The following PTGFR variants were observed in gnomAD, a reference collection of about 807,000 sequenced individuals.
PTGFR encodes prostaglandin F2-alpha receptor.
Under a neutral mutation model 26.2 loss-of-function variants are expected in PTGFR, and 15 were observed. The observed-to-expected ratio is 0.57, with a 90% CI of 0.38 to 0.88. PTGFR has a LOEUF of 0.88. Ranked by LOEUF, PTGFR falls within the 40% of genes least tolerant of loss-of-function variation. The pLI is 0.00. For missense variants in PTGFR, 369 were observed against 427.2 expected (o/e 0.86, Z 1.20); for synonymous variants, 165 against 151.1 (o/e 1.09, Z -0.68).
rs1650726291 is a variant in PTGFR at position 78,538,947 on chromosome 1, T to A, written c.*2260T>A. The A allele has an allele frequency of 6.6e-6, 1 of 152,086 alleles. No homozygotes were observed. The highest frequency in any genetic ancestry group is 2.4e-5 in the African/African-American group (1 of 41,436). The allele number at this position is 152,086 out of a possible 1,614,324, so 9.4% of individuals were successfully genotyped here. A position where few individuals can be genotyped will look rare whatever the true frequency, so the allele number is the denominator to read the frequency against. ...TAAACATGATTTCTCGGTAATTATA[T>A]ATTCTGGGCAAATAACATAAACATG... On this transcript the variant is annotated 3_prime_UTR_variant, in exon 3 of 3. Transcript: ENST00000370757.
chr1:78,521,725 C>T (rs1055143625), intron 2 of PTGFR, among the ~76,000 whole-genome samples: 20 of 152,070 alleles, frequency 1.3e-4, no homozygotes, highest in Admixed American at 3.3e-4. Context: ...CTATGTTAAA[C>T]GGTAGTAGTA....
At chr1:78,515,169 A>AT (rs1557653823) in intron 2 of PTGFR, among the ~76,000 whole-genome samples, 1 of 151,874 alleles carries the variant, frequency 6.6e-6, no homozygotes, top group Non-Finnish European at 1.5e-5. Flanking sequence ...AATTAATCTC[A>AT]TTTTTCTGTC....
chr1:78,519,769 A>C (rs1184889479), intron 2 of PTGFR, among the ~76,000 whole-genome samples: 1 of 152,140 alleles, frequency 6.6e-6, no homozygotes, highest in East Asian at 1.9e-4. Flanking sequence ...TATGCCAAGC[A>C]ACTAAAAGAG....
chr1:78,510,154 C>T (rs188434524), intron 2 of PTGFR, among the ~76,000 whole-genome samples: 2 of 152,332 alleles, frequency 1.3e-5, no homozygotes, highest in East Asian at 3.9e-4. Context: ...AGGGACTTCT[C>T]TGCTATCCCT....
At chr1:78,531,986 A>C (rs1650520005) in intron 2 of PTGFR, among the ~76,000 whole-genome samples, 2 of 152,066 alleles carry the variant, frequency 1.3e-5, no homozygotes, top group Non-Finnish European at 2.9e-5. Flanking sequence ...AGAATGAGAC[A>C]TTACTCAGCT....
chr1:78,531,586 G>C (rs1259266348), intron 2 of PTGFR, among the ~76,000 whole-genome samples: 2 of 152,294 alleles, frequency 1.3e-5, no homozygotes, highest in African/African-American at 4.8e-5. Context: ...AGGTCATAGA[G>C]AGTCTGAGGA....
intron 2 of PTGFR, among the ~76,000 whole-genome samples, chr1:78,527,461 T>A (rs1429877269): frequency 1.1e-4 from 16 of 152,094 alleles, no homozygotes; most frequent in African/African-American, 3.4e-4. Flanking sequence ...AGGGAAGTAA[T>A]GATTAATGAA....
chr1:78,493,326 G>A lies in PTGFR; in HGVS notation c.583G>A (p.Asp195Asn). 6.2e-7 allele frequency: 1 copy of A among 1,614,154 alleles called. No homozygotes were observed. Among genetic ancestry groups the A allele is most frequent in the Non-Finnish European group, 8.5e-7 (1 of 1,180,024 alleles). ...TTTCTACAACACAGAAGACATCAAA[G>A]ACTGGGAAGATAGATTTTATCTTCT... ...WCFYNTEDIK[D>N]WEDRFYLLLF... Residue 195 changes from aspartate (D) to asparagine (N), a missense_variant, in exon 2 of 3, where the codon GAC (aspartate) becomes AAC (asparagine). Asp to Asn is a conservative substitution (Grantham distance 23, BLOSUM62 1). Transcript: ENST00000370757.
intron 2 of PTGFR, among the ~76,000 whole-genome samples, chr1:78,494,352 GAAAACA>G (rs939442747): frequency 5.9e-5 from 9 of 151,840 alleles, no homozygotes; most frequent in Non-Finnish European, 4.4e-5. Flanking sequence ...TGCCATGAAA[GAAAACA>G]AAAACAAAAA....
chr1:78,504,229 A>G (rs1649774174), intron 2 of PTGFR, among the ~76,000 whole-genome samples: 2 of 152,306 alleles, frequency 1.3e-5, no homozygotes, highest in Non-Finnish European at 2.9e-5. Context: ...ACTACATATT[A>G]AGTTTTTAAA....
chr1:78,524,248 T>A (rs899517482), intron 2 of PTGFR, among the ~76,000 whole-genome samples: 6 of 152,014 alleles, frequency 3.9e-5, no homozygotes, highest in African/African-American at 1.4e-4. Flanking sequence ...TGCACACACA[T>A]AGGGCTTGAT....
In PTGFR at chr1:78,537,937, T is replaced by C. The variant is rs1471836931; in HGVS notation, c.*1250T>C. The C allele has an allele frequency of 2.6e-5, 4 of 152,168 alleles. No individual in the cohort carries two copies. 9.4% of individuals were successfully genotyped at this position (152,168 alleles called of 1,614,324 possible). A position where few individuals can be genotyped will look rare whatever the true frequency, so the allele number is the denominator to read the frequency against. ...ACCCATTCAAATTGTCCTAGGTCTA[T>C]CAGAAATTAGGGAAGGTAGTCCTGC... On this transcript the variant is annotated 3_prime_UTR_variant, in exon 3 of 3. Transcript: ENST00000370757.
chr1:78,529,795 G>A (rs985338745), intron 2 of PTGFR, among the ~76,000 whole-genome samples: 3 of 152,218 alleles, frequency 2.0e-5, no homozygotes, highest in Non-Finnish European at 4.4e-5. Context: ...ACAGTAGGAT[G>A]TGAGTGGCAG....
intron 2 of PTGFR, among the ~76,000 whole-genome samples, chr1:78,495,500 A>T (rs188260699): frequency 6.6e-6 from 1 of 151,302 alleles, no homozygotes; most frequent in Admixed American, 6.6e-5. Flanking sequence ...TGAGAAAAGA[A>T]GTGGCTAAAA....
intron 2 of PTGFR, among the ~76,000 whole-genome samples, chr1:78,493,800 G>A (rs1649476185): frequency 6.6e-6 from 1 of 152,202 alleles, no homozygotes; most frequent in African/African-American, 2.4e-5. Context: ...TCTAACAGAA[G>A]TTACATATTT....
At chr1:78,493,856 C>A (rs1348650599) in intron 2 of PTGFR, among the ~76,000 whole-genome samples, 1 of 151,922 alleles carries the variant, frequency 6.6e-6, no homozygotes, top group African/African-American at 2.4e-5. Flanking sequence ...ACAAAATGAC[C>A]AACTATAAAA....
At chr1:78,494,542 GC>G (rs1170224633) in intron 2 of PTGFR, among the ~76,000 whole-genome samples, 1 of 152,196 alleles carries the variant, frequency 6.6e-6, no homozygotes, top group Non-Finnish European at 1.5e-5. Flanking sequence ...TGTTACTAAT[GC>G]AGTTTTCCTA....
chr1:78,500,638 A>G (rs896757703), intron 2 of PTGFR, among the ~76,000 whole-genome samples: 2 of 152,212 alleles, frequency 1.3e-5, no homozygotes, highest in Non-Finnish European at 2.9e-5. Flanking sequence ...CACTCTCTGG[A>G]AAGCTTCCTG....
chr1:78,513,556 T>C (rs1590314), intron 2 of PTGFR, among the ~76,000 whole-genome samples: 116,594 of 152,176 alleles, frequency 0.77, 45,334 homozygotes, highest in African/African-American at 0.91. Context: ...AATGACTTAA[T>C]GCTGGAACTT....
Sources: allele counts gnomAD v4.1 joint callset (sites outside exome capture counted in the v4.1 genomes callset), GRCh38; gene constraint gnomAD v4.1.1; transcripts MANE v1.5; gene names NCBI Gene and HGNC (gene_info 2026-07-23, HGNC 2026-07-21).